ROBO2: variants seen among roughly 807,000 people sequenced by gnomAD.
The protein encoded by ROBO2 is roundabout homolog 2.
ROBO2 carries 53 observed loss-of-function variants against 160.8 expected under a neutral mutation model. The ratio of observed to expected loss-of-function variants is 0.33; its 90% CI spans 0.26 to 0.41. The LOEUF (loss-of-function observed/expected upper bound fraction) is 0.41, where lower values mean the gene tolerates loss of function less well. Ranked by LOEUF, ROBO2 falls within the 10% of genes least tolerant of loss-of-function variation. The pLI is 1.00. For synonymous variants in ROBO2, 664 were observed against 611.7 expected, an observed-to-expected ratio of 1.09 and a Z score of -1.26; for missense variants, 1,577 against 1,722.4, an observed-to-expected ratio of 0.92 and a Z score of 1.49.
At chr3:76,077,713 A>T (rs536700843) in intron 2 of ROBO2, among the ~76,000 whole-genome samples, 40 of 152,304 alleles carry the variant, frequency 2.6e-4, no homozygotes, top group Admixed American at 4.6e-4. Context: ...TGGGTATGAA[A>T]AATTAAAATT....
chr3:76,976,236 G>T (rs1262491691), intron 2 of ROBO2, among the ~76,000 whole-genome samples: 2 of 152,112 alleles, frequency 1.3e-5, no homozygotes, highest in Admixed American at 6.6e-5. Context: ...GTAAATAAAA[G>T]GTCGAACAAT....
At chr3:76,950,305 C>T (rs1009386212) in intron 2 of ROBO2, among the ~76,000 whole-genome samples, 1 of 152,126 alleles carries the variant, frequency 6.6e-6, no homozygotes, top group Non-Finnish European at 1.5e-5. Flanking sequence ...GAATCCTTTA[C>T]CTCCTACTCA....
At chr3:76,809,151 G>GT (rs1388942939) in intron 2 of ROBO2, among the ~76,000 whole-genome samples, 1 of 152,158 alleles carries the variant, frequency 6.6e-6, no homozygotes, top group African/African-American at 2.4e-5. Context: ...GACAGTTTCT[G>GT]TGGGTCAATA....
chr3:76,316,116 T>C (rs1192724375), intron 2 of ROBO2, among the ~76,000 whole-genome samples: 1 of 152,170 alleles, frequency 6.6e-6, no homozygotes, highest in African/African-American at 2.4e-5. Flanking sequence ...GATAAGGGTC[T>C]ATGTTCAGCG....
intron 2 of ROBO2, among the ~76,000 whole-genome samples, chr3:77,268,867 C>T (rs1418581229): frequency 6.6e-6 from 1 of 152,178 alleles, no homozygotes; most frequent in Non-Finnish European, 1.5e-5. Flanking sequence ...CAGGTTTCAC[C>T]AGTGCATAGC....
chr3:76,930,193 T>G (rs1013519206), intron 2 of ROBO2, among the ~76,000 whole-genome samples: 10 of 151,964 alleles, frequency 6.6e-5, no homozygotes, highest in African/African-American at 2.4e-4. Flanking sequence ...AGGACTAATT[T>G]TTGTATTTTT....
intron 2 of ROBO2, among the ~76,000 whole-genome samples, chr3:76,354,168 A>G (rs936997890): frequency 6.6e-6 from 1 of 152,114 alleles, no homozygotes; most frequent in South Asian, 2.1e-4. Context: ...ATACACAACT[A>G]TTAAAATACT....
At chr3:77,023,861 A>G (rs1044857798) in intron 2 of ROBO2, among the ~76,000 whole-genome samples, 2 of 152,216 alleles carry the variant, frequency 1.3e-5, no homozygotes, top group Non-Finnish European at 2.9e-5. Flanking sequence ...TGTTCTGATT[A>G]TAATTAAATC....
intron 2 of ROBO2, among the ~76,000 whole-genome samples, chr3:76,731,100 T>C (rs1269052976): frequency 6.6e-6 from 1 of 152,222 alleles, no homozygotes; most frequent in Admixed American, 6.5e-5. Flanking sequence ...CTGTGTTGTG[T>C]TCCTCAGTGA....
At position 76,636,331 on chromosome 3, in the gene ROBO2, T is replaced by C. The variant is rs1162892822; in HGVS notation, c.110-461683T>C. On this transcript the variant is annotated intron_variant, in intron 2 of 26. Coordinates refer to the ROBO2 transcript ENST00000487694. ...TTATGTCATGTGCTGGTGAATAATATTGACATCTGCCTGTCATCTTTAGCT... is the reference window on the plus strand; with the variant it reads ...TTATGTCATGTGCTGGTGAATAATACTGACATCTGCCTGTCATCTTTAGCT... 3.9e-5 allele frequency among the ~76,000 whole-genome samples: 6 copies of C among 152,340 alleles called. No individual in the cohort carries two copies. In the East Asian group the frequency reaches 1.2e-3, roughly 29 times the overall value.
intron 2 of ROBO2, among the ~76,000 whole-genome samples, chr3:76,524,257 C>G (rs973255456): frequency 6.6e-6 from 1 of 151,778 alleles, no homozygotes; most frequent in African/African-American, 2.4e-5. Context: ...ACAAAATATC[C>G]TCTATTTGGA....
chr3:76,836,967 T>C (rs6548453), intron 2 of ROBO2, among the ~76,000 whole-genome samples: 19,080 of 151,814 alleles, frequency 0.13, 1,356 homozygotes, highest in East Asian at 0.24. Flanking sequence ...TATCAGTTAC[T>C]TTTTTAAAGG....
At chr3:77,152,198 G>A (rs1453289895) in intron 2 of ROBO2, among the ~76,000 whole-genome samples, 1 of 151,912 alleles carries the variant, frequency 6.6e-6, no homozygotes, top group Non-Finnish European at 1.5e-5. Context: ...CAGTTTGCTG[G>A]TATACTGAGA....
At chr3:76,043,289 GTC>G (rs1480931144) in intron 2 of ROBO2, among the ~76,000 whole-genome samples, 1 of 151,650 alleles carries the variant, frequency 6.6e-6, no homozygotes, top group African/African-American at 2.4e-5. Flanking sequence ...CCCTGGAATA[GTC>G]TCTCCCTTTT....
At chr3:77,465,355 C>A (rs1267431595) in intron 2 of ROBO2, among the ~76,000 whole-genome samples, 1 of 152,108 alleles carries the variant, frequency 6.6e-6, no homozygotes, top group African/African-American at 2.4e-5. Flanking sequence ...GTAGTAACTA[C>A]AATGTAGAGA....
At chr3:76,690,456 T>A (rs1047814808) in intron 2 of ROBO2, among the ~76,000 whole-genome samples, 7 of 151,890 alleles carry the variant, frequency 4.6e-5, no homozygotes, top group Non-Finnish European at 1.0e-4. Context: ...GGATACAACA[T>A]CAAGGCACCA....
At chr3:77,113,248 T>G (rs986306176) in intron 2 of ROBO2, among the ~76,000 whole-genome samples, 7 of 152,216 alleles carry the variant, frequency 4.6e-5, no homozygotes, top group Admixed American at 1.3e-4. Flanking sequence ...GATTTATTTT[T>G]ATTTTCTTCC....
At chr3:77,610,089 C>T (rs2094598377) in intron 21 of ROBO2, among the ~76,000 whole-genome samples, 1 of 151,318 alleles carries the variant, frequency 6.6e-6, no homozygotes, top group African/African-American at 2.4e-5. Context: ...ATGATTTTGT[C>T]CATTTTTTGA....
chr3:76,141,754 T>C (rs1480879399), intron 2 of ROBO2, among the ~76,000 whole-genome samples: 1 of 151,936 alleles, frequency 6.6e-6, no homozygotes, highest in Non-Finnish European at 1.5e-5. Context: ...GGAATGTGGC[T>C]TCATCTAATC....
Sources: gnomAD v4.1 joint callset for allele counts (sites outside exome capture counted in the v4.1 genomes callset) on GRCh38, gnomAD v4.1.1 for gene constraint, MANE v1.5 for transcripts, NCBI Gene and HGNC (gene_info 2026-07-23, HGNC 2026-07-21) for gene names.